UGT1A9: variants seen among roughly 807,000 people sequenced by gnomAD.
The protein encoded by UGT1A9 is UDP glucuronosyltransferase family 1 member A9.
Under a neutral mutation model 45.0 loss-of-function variants are expected in UGT1A9, and 35 were observed. The observed-to-expected ratio is 0.78, with a 90% CI of 0.59 to 1.03. The LOEUF (loss-of-function observed/expected upper bound fraction) is 1.03, where lower values mean the gene tolerates loss of function less well. Among genes scored for constraint, UGT1A9 ranks in the 50% least tolerant of loss-of-function variants. The probability of loss-of-function intolerance (pLI) is 0.00; values close to 1 mark genes in which losing one functional copy is unlikely to be tolerated. For missense variants in UGT1A9, 687 were observed against 666.6 expected, an observed-to-expected ratio of 1.03 and a Z score of -0.34; for synonymous variants, 278 against 250.6, an observed-to-expected ratio of 1.11 and a Z score of -1.03.
At chr2:233,730,895 C>G (rs909746979) in intron 1 of UGT1A9, among the ~76,000 whole-genome samples, 5 of 152,098 alleles carry the variant, frequency 3.3e-5, no homozygotes, top group African/African-American at 1.2e-4. Flanking sequence ...GGGATCTACT[C>G]CTTTACCAAA....
chr2:233,697,324 A>C (rs2075384832), intron 1 of UGT1A9, among the ~76,000 whole-genome samples: 1 of 151,942 alleles, frequency 6.6e-6, no homozygotes, highest in African/African-American at 2.4e-5. Flanking sequence ...TTGTGTTTGG[A>C]AATGTATCCA....
At chr2:233,682,556 G>C in intron 1 of UGT1A9, 1 of 1,613,932 alleles carries the variant, frequency 6.2e-7, no homozygotes, top group African/African-American at 1.3e-5. Flanking sequence ...CAAGGAGAGA[G>C]TATGGAACCA....
intron 1 of UGT1A9, among the ~76,000 whole-genome samples, chr2:233,751,217 A>G (rs1417978582): frequency 6.6e-6 from 1 of 151,982 alleles, no homozygotes; most frequent in East Asian, 1.9e-4. Context: ...TTTAAGATTT[A>G]ATGACTGCCC....
At chr2:233,731,565 G>A (rs1168065167) in intron 1 of UGT1A9, among the ~76,000 whole-genome samples, 1 of 152,192 alleles carries the variant, frequency 6.6e-6, no homozygotes, top group African/African-American at 2.4e-5. Context: ...ATAGTTTGCT[G>A]AGAATGATGG....
At chr2:233,696,698 A>G (rs1376211122) in intron 1 of UGT1A9, among the ~76,000 whole-genome samples, 4 of 152,138 alleles carry the variant, frequency 2.6e-5, no homozygotes, top group Non-Finnish European at 5.9e-5. Context: ...TCTTTGTCTT[A>G]TTCCAGATTT....
chr2:233,745,084 T>A (rs1035924071), intron 1 of UGT1A9, among the ~76,000 whole-genome samples: 1 of 151,944 alleles, frequency 6.6e-6, no homozygotes, highest in African/African-American at 2.4e-5. Flanking sequence ...TTTTCATTGC[T>A]CTTCCCCCCA....
rs1478087363 is a variant in UGT1A9 at position 233,769,799 on chromosome 2, G to A, written c.1295+1360G>A. 4.2e-6 allele frequency: 5 copies of A among 1,197,998 alleles called. No individual in the cohort carries two copies. Among genetic ancestry groups the A allele is most frequent in the Admixed American group, 5.9e-5 (2 of 34,170 alleles). 74.2% of individuals were successfully genotyped at this position (1,197,998 alleles called of 1,614,324 possible). A position where few individuals can be genotyped will look rare whatever the true frequency, so the allele number is the denominator to read the frequency against. ...GAGCCCAGAAGTTGGAGGCTGCTAT[G>A]AGCCGTGATCATGCCACTGCACTCC... On this transcript the variant is annotated intron_variant, in intron 4 of 4. Transcript: ENST00000354728. This position sits in a 1 kb window ranked among gnomAD's most constrained non-coding sequence, Gnocchi z 4.4.
At chr2:233,711,444 A>AG (rs2076181432) in intron 1 of UGT1A9, among the ~76,000 whole-genome samples, 2 of 152,198 alleles carry the variant, frequency 1.3e-5, no homozygotes, top group Admixed American at 1.3e-4. Context: ...TACAGTTTTA[A>AG]GGGGGTTGGA....
chr2:233,760,460 T>C (rs2125984411), intron 1 of UGT1A9: 1 of 1,614,176 alleles, frequency 6.2e-7, no homozygotes. Flanking sequence ...CATGAAATAG[T>C]TGTCCTAGCA....
Position 233,747,094 on chromosome 2 carries a change from A to G in UGT1A9, c.856-19940A>G, listed in dbSNP as rs1052530336. 1.0e-5 allele frequency: 13 copies of G among 1,281,570 alleles called. No homozygotes were observed. The African/African-American group carries it at 1.2e-4, about 12-fold the overall frequency. The allele number at this position is 1,281,570 out of a possible 1,614,324, so 79.4% of individuals were successfully genotyped here. Reference sequence around the variant, plus strand: ...TAATTAACTAGGAGGAGAGCACTCTATCTTCCAATTACATGATGATTTGCT... The same window carrying G: ...TAATTAACTAGGAGGAGAGCACTCTGTCTTCCAATTACATGATGATTTGCT... On this transcript the variant is annotated intron_variant, in intron 1 of 4. Coordinates refer to ENST00000354728, the MANE Select transcript of UGT1A9 (RefSeq NM_021027.3).
At chr2:233,768,463 T>C (rs372004705) in intron 4 of UGT1A9, 24 bp downstream of exon 4, 2 of 1,607,816 alleles carry the variant, frequency 1.2e-6, no homozygotes, top group African/African-American at 2.7e-5. Flanking sequence ...TACAGAAGAA[T>C]ACTTTGGTCA....
intron 1 of UGT1A9, among the ~76,000 whole-genome samples, chr2:233,692,622 A>G (rs2075106076): frequency 6.6e-6 from 1 of 152,216 alleles, no homozygotes. Context: ...CATCATGGAC[A>G]TAACAGACAA....
chr2:233,713,432 T>C (rs2125633879), intron 1 of UGT1A9: 1 of 1,614,202 alleles, frequency 6.2e-7, no homozygotes, highest in East Asian at 2.2e-5. Flanking sequence ...CTTCCTTTGA[T>C]GTGGTTCTAA....
chr2:233,682,208 A>G (rs775573603), intron 1 of UGT1A9: 4 of 1,614,200 alleles, frequency 2.5e-6, no homozygotes, highest in Non-Finnish European at 2.5e-6. Context: ...CCGGGAGTTC[A>G]TGGTTTTTGC....
chr2:233,686,969 A>C (rs6753320), intron 1 of UGT1A9, among the ~76,000 whole-genome samples: 59,757 of 152,040 alleles, frequency 0.39, 11,937 homozygotes, highest in South Asian at 0.45. Flanking sequence ...TTAGCAAGGC[A>C]GGGAAGTTGT....
intron 1 of UGT1A9, among the ~76,000 whole-genome samples, chr2:233,706,279 T>C (rs923894303): frequency 6.6e-6 from 1 of 151,976 alleles, no homozygotes; most frequent in Admixed American, 6.6e-5. Context: ...ACCTCAGGGG[T>C]GGGGCCCAGT....
chr2:233,688,171 A>G (rs910523847), intron 1 of UGT1A9, among the ~76,000 whole-genome samples: 4 of 152,186 alleles, frequency 2.6e-5, no homozygotes, highest in African/African-American at 7.2e-5. Context: ...CATTTCATGG[A>G]AATGGAAGCC....
At chr2:233,750,930 T>C (rs542704180) in intron 1 of UGT1A9, among the ~76,000 whole-genome samples, 12 of 151,872 alleles carry the variant, frequency 7.9e-5, no homozygotes, top group Non-Finnish European at 1.5e-4. Context: ...AAATGTGAGG[T>C]TGGAGCCCCC....
intron 1 of UGT1A9, chr2:233,682,107 T>C (rs2074558272): frequency 6.2e-7 from 1 of 1,614,026 alleles, no homozygotes; most frequent in African/African-American, 1.3e-5. Flanking sequence ...GAGGTGGTCG[T>C]AGTCATGCCA....
Sources: gnomAD v4.1 joint callset for allele counts (sites outside exome capture counted in the v4.1 genomes callset) on GRCh38, gnomAD v4.1.1 for gene constraint, Gnocchi (gnomAD v3.1) non-coding constraint, MANE v1.5 for transcripts, NCBI Gene and HGNC (gene_info 2026-07-23, HGNC 2026-07-21) for gene names.